Variants in ZNF765 observed in about 807,000 individuals in gnomAD.
ZNF765 encodes zinc finger protein 765.
In ZNF765, 37 loss-of-function variants were observed where a neutral mutation model predicts 44.7. The ratio of observed to expected loss-of-function variants is 0.83; its 90% CI spans 0.64 to 1.09. ZNF765 has a LOEUF of 1.09. ZNF765 is among the 50% of genes least tolerant of loss of function. The probability of loss-of-function intolerance (pLI) is 0.00; values close to 1 mark genes in which losing one functional copy is unlikely to be tolerated. For synonymous variants in ZNF765, 201 were observed against 213.7 expected (o/e 0.94, Z 0.52); for missense variants, 594 against 626.1 (o/e 0.95, Z 0.55).
chr19:53,397,824 G>A (rs1300378698), intron 1 of ZNF765, 119 bp from the exon 2 acceptor site: 3 of 1,025,218 alleles, frequency 2.9e-6, no homozygotes, highest in African/African-American at 1.6e-5. Flanking sequence ...TCCCTGGTGT[G>A]GTCGGCAGCA....
chr19:53,420,154 A>C (rs912519855), intron 3 of ZNF765, among the ~76,000 whole-genome samples: 1 of 152,160 alleles, frequency 6.6e-6, no homozygotes, highest in South Asian at 2.1e-4. Context: ...CAACTTGGTG[A>C]ATCCCCATCT....
At chr19:53,400,597 CACACACACA>C (rs2085714394) in intron 2 of ZNF765, among the ~76,000 whole-genome samples, 1 of 151,908 alleles carries the variant, frequency 6.6e-6, no homozygotes, top group Non-Finnish European at 1.5e-5. Flanking sequence ...TATACACACC[CACACACACA>C]ATATACACAT....
rs1386310799 is a variant in ZNF765 at position 53,420,189 on chromosome 19, T to G, written c.143-2873T>G. Reference sequence around the variant, plus strand: ...TCTACTAAAAATACAAAAATTAGCTTGGCGTGGTGGCGCATGCCTGTAATC... The same window carrying G: ...TCTACTAAAAATACAAAAATTAGCTGGGCGTGGTGGCGCATGCCTGTAATC... On this transcript the variant is annotated intron_variant, in intron 3 of 3. Coordinates refer to the ZNF765 transcript ENST00000594030. Among the ~76,000 whole-genome samples, 5 of 151,314 alleles carry G rather than the reference T, an allele frequency of 3.3e-5. No individual in the cohort carries two copies. In the South Asian group the frequency reaches 1.0e-3, roughly 32 times the overall value.
chr19:53,399,251 C>T (rs1241898077), intron 2 of ZNF765, among the ~76,000 whole-genome samples: 2 of 131,638 alleles, frequency 1.5e-5, no homozygotes, highest in African/African-American at 5.8e-5. Flanking sequence ...CACCCCACAA[C>T]AGTCCCCAAA....
At position 53,408,408 on chromosome 19, in the gene ZNF765, T is replaced by G; in HGVS notation, c.853T>G (p.Tyr285Asp). The stretch of plus-strand genomic sequence containing the variant: ...TGGCAAGACCTTCAGTCAGACATAT[T>G]ACCTAACATGCCATCGTAGACTTCA... The part of the protein sequence containing the change: ...ECGKTFSQTY[Y>D]LTCHRRLHTG... The change falls in exon 4 of 4, where the codon TAC becomes GAC. Residue 285 changes from tyrosine (Y) to aspartate (D), a missense_variant. This residue lies in a region of ZNF765 where 567 missense variants were observed against 572.6 expected (regional missense o/e 0.99). Coordinates refer to ENST00000396408, the MANE Select transcript of ZNF765 (RefSeq NM_001040185.3). The G allele has an allele frequency of 6.2e-7, 1 of 1,613,230 alleles. No individual in the cohort carries two copies. The highest frequency in any genetic ancestry group is 1.1e-5 in the South Asian group (1 of 91,012).
At chr19:53,415,987 CTCTGTCAACCAG>C (rs1466162533), downstream of ZNF765, among the ~76,000 whole-genome samples, 7 of 151,940 alleles carry the variant, frequency 4.6e-5, 1 homozygote, top group African/African-American at 1.7e-4. Flanking sequence ...CTGAGTCTGG[CTCTGTCAACCAG>C]GCTGCAGTGC....
intron 3 of ZNF765, among the ~76,000 whole-genome samples, chr19:53,407,391 G>GT (rs1248836003): frequency 6.6e-6 from 1 of 152,194 alleles, no homozygotes; most frequent in African/African-American, 2.4e-5. Context: ...ACAGTGATAT[G>GT]TTTTTTACAA....
intron 2 of ZNF765, 76 bp downstream of exon 2, chr19:53,398,106 C>G: frequency 6.2e-7 from 1 of 1,611,666 alleles, no homozygotes; most frequent in Non-Finnish European, 8.5e-7. Context: ...GGAATCTTCT[C>G]TGAGTCTGAA....
intron 3 of ZNF765, among the ~76,000 whole-genome samples, chr19:53,403,046 G>A (rs563451281): frequency 3.3e-5 from 5 of 152,008 alleles, no homozygotes; most frequent in Admixed American, 6.5e-5. Flanking sequence ...GTGGTGGCAC[G>A]TGCCTGTAAT....
intron 1 of ZNF765, among the ~76,000 whole-genome samples, chr19:53,396,132 A>G (rs2085666701): frequency 6.6e-6 from 1 of 152,024 alleles, no homozygotes; most frequent in African/African-American, 2.4e-5. Context: ...GAGGGAGAGG[A>G]GGAGGGATTT....
rs1315236112 is a variant in ZNF765, at chr19:53,408,306, G to A, written c.751G>A (p.Val251Ile). The A allele has an allele frequency of 1.9e-6, 3 of 1,614,070 alleles. No homozygotes were observed. Among genetic ancestry groups the A allele is most frequent in the African/African-American group, 2.7e-5 (2 of 74,918 alleles). ...KQYKCDICGK[V>I]FNSKRYVARH... ...ATATAAATGCGATATATGTGGCAAGGTCTTTAATTCGAAGCGATACGTTGC... is the reference window on the plus strand; with the variant it reads ...ATATAAATGCGATATATGTGGCAAGATCTTTAATTCGAAGCGATACGTTGC... Residue 251 changes from valine (V) to isoleucine (I), a missense_variant, in exon 4 of 4, where the codon GTC becomes ATC. By Grantham distance (29) the Val-to-Ile change is conservative (BLOSUM62 3). Transcript: ENST00000396408.
At chr19:53,403,328 T>C (rs1329835410) in intron 3 of ZNF765, among the ~76,000 whole-genome samples, 5 of 151,396 alleles carry the variant, frequency 3.3e-5, no homozygotes, top group African/African-American at 4.9e-5. Context: ...ACCTTACCCT[T>C]GTGATTCTGT....
intron 2 of ZNF765, 72 bp from the exon 3 acceptor site, chr19:53,401,993 T>A: frequency 6.2e-7 from 1 of 1,613,898 alleles, no homozygotes; most frequent in East Asian, 2.2e-5. Context: ...TTCACCTCTC[T>A]CTTCTTCTCA....
chr19:53,415,271 G>GA (rs535488937), downstream of ZNF765, among the ~76,000 whole-genome samples: 6,556 of 133,148 alleles, frequency 0.049, 305 homozygotes, highest in African/African-American at 0.13. Flanking sequence ...ACTCCATCTC[G>GA]AAAAAAAAAA....
At position 53,400,592 on chromosome 19, in the gene ZNF765, A is replaced by C. The variant is rs372652519; in HGVS notation, c.16-1473A>C. 5.9e-5 allele frequency among the ~76,000 whole-genome samples: 9 copies of C among 152,148 alleles called. No individual in the cohort carries two copies. In the South Asian group the frequency reaches 1.9e-3, roughly 32 times the overall value. ...ATTTTTAAAGCCTTTATATGTATAC[A>C]CACCCACACACACAATATACACATA... On this transcript the variant is annotated intron_variant, in intron 2 of 3. Coordinates refer to ENST00000396408, the MANE Select transcript of ZNF765 (RefSeq NM_001040185.3).
chr19:53,401,918 C>G (rs778565307), intron 2 of ZNF765, 147 bp from the exon 3 acceptor site: 7 of 1,548,726 alleles, frequency 4.5e-6, no homozygotes, highest in Admixed American at 1.7e-5. Context: ...ACTGGGAAGA[C>G]AAAATGCGGT....
Position 53,408,135 on chromosome 19 carries a change from A to T in ZNF765, c.580A>T (p.Asn194Tyr). 6.2e-7 allele frequency: 1 copy of T among 1,614,108 alleles called. No individual in the cohort carries two copies. Among genetic ancestry groups the T allele is most frequent in the South Asian group, 1.1e-5 (1 of 91,080 alleles). Residue 194 changes from asparagine to tyrosine, a missense_variant, in exon 4 of 4, where the codon AAT becomes TAT. Transcript: ENST00000396408. The stretch of plus-strand genomic sequence containing the variant: ...AACCCATATTTCTAATGACTATGGG[A>T]ATAATTTCCTGAATTCTTCATTATT... ...PETHISNDYG[N>Y]NFLNSSLFTQ...
chr19:53,396,072 CAG>C, intron 1 of ZNF765, among the ~76,000 whole-genome samples: 1 of 150,442 alleles, frequency 6.6e-6, no homozygotes, highest in East Asian at 1.9e-4. Context: ...AGATGAAGGA[CAG>C]AGAGCAAGGT....
At chr19:53,413,152 T>A (rs996824962), downstream of ZNF765, 1 of 531,514 alleles carries the variant, frequency 1.9e-6, no homozygotes, top group African/African-American at 2.0e-5. Context: ...TCTCTTCCTC[T>A]CTCCCCTTGT....
Sources: allele counts gnomAD v4.1 joint callset (sites outside exome capture counted in the v4.1 genomes callset), GRCh38; gene constraint gnomAD v4.1.1; regional missense constraint gnomAD v4.1.1; transcripts MANE v1.5; gene names NCBI Gene and HGNC (gene_info 2026-07-23, HGNC 2026-07-21).